Variants in VMAC observed in about 807,000 individuals in gnomAD.
The protein encoded by VMAC is vimentin type intermediate filament associated coiled-coil protein.
VMAC carries 8 observed loss-of-function variants against 4.8 expected under a neutral mutation model. The ratio of observed to expected loss-of-function variants is 1.68; its 90% CI spans 0.99 to 3.03. The LOEUF (loss-of-function observed/expected upper bound fraction) is 3.03. Ranked by LOEUF, VMAC falls within the 30% of genes most tolerant of loss-of-function variation. VMAC has a pLI of 0.00. For missense variants in VMAC, 248 were observed against 245.1 expected (o/e 1.01, Z -0.08); for synonymous variants, 96 against 113.7 (o/e 0.84, Z 0.99).
At position 5,904,976 on chromosome 19, in the gene VMAC, G is replaced by C; in HGVS notation, c.86G>C (p.Arg29Pro). The change falls in exon 1 of 2, where the codon CGG becomes CCG. Residue 29 changes from arginine (R) to proline (P), a missense_variant. Physicochemically the swap from Arg to Pro is moderately radical, Grantham distance 103 (BLOSUM62 -2). Transcript: ENST00000339485. ...VHRRAAELEA[R>P]LDAAERTVHA... Reference sequence around the variant, plus strand: ...CGGCGCGCAGCGGAGCTGGAGGCGCGGCTGGACGCGGCGGAGCGCACGGTG... The same window carrying C: ...CGGCGCGCAGCGGAGCTGGAGGCGCCGCTGGACGCGGCGGAGCGCACGGTG... 1 of 1,467,670 alleles carries C rather than the reference G, an allele frequency of 6.8e-7. No homozygotes were observed. Among genetic ancestry groups the C allele is most frequent in the South Asian group, 1.3e-5 (1 of 76,090 alleles). The allele number at this position is 1,467,670 out of a possible 1,614,324, so 90.9% of individuals were successfully genotyped here. A position where few individuals can be genotyped will look rare whatever the true frequency, so the allele number is the denominator to read the frequency against.
chr19:5,908,216 T>A lies in VMAC; in HGVS notation c.192-608T>A, dbSNP rs141767420. On this transcript the variant is annotated intron_variant, in intron 1 of 1. Coordinates refer to ENST00000339485, the MANE Select transcript of VMAC (RefSeq NM_001017921.4). This position sits in a 1 kb window ranked among gnomAD's most constrained non-coding sequence, Gnocchi z 4.5. ...AAAATCAGTCAGGCATGGTGGCGCA[T>A]GCCTGTAAACCCAGCTACTCGGGAG... Among the ~76,000 whole-genome samples, 1 of 152,032 alleles carries A rather than the reference T, an allele frequency of 6.6e-6. No homozygotes were observed. Among genetic ancestry groups the A allele is most frequent in the Non-Finnish European group, 1.5e-5 (1 of 68,020 alleles).
chr19:5,906,134 T>TA (rs1324216345), intron 1 of VMAC, among the ~76,000 whole-genome samples: 4 of 89,200 alleles, frequency 4.5e-5, no homozygotes, highest in Admixed American at 1.6e-4. Flanking sequence ...CCTGGCTGAT[T>TA]TAAAAAAAAA....
rs889048363 is a variant in VMAC at position 5,909,167 on chromosome 19, G to A, written c.*25G>A. ...AGCCCGGAATGCAGATTACAGAATG[G>A]AGACAGAAAGCCACTGCTGTCAGTG... On this transcript the variant is annotated 3_prime_UTR_variant, in exon 2 of 2. Coordinates refer to ENST00000339485, the MANE Select transcript of VMAC (RefSeq NM_001017921.4). 6.6e-7 allele frequency: 1 copy of A among 1,524,918 alleles called. No homozygotes were observed. Among genetic ancestry groups the A allele is most frequent in the East Asian group, 2.4e-5 (1 of 40,920 alleles). The allele number at this position is 1,524,918 out of a possible 1,614,324, so 94.5% of individuals were successfully genotyped here.
At chr19:5,906,384 T>A (rs543519) in intron 1 of VMAC, among the ~76,000 whole-genome samples, 12,118 of 152,292 alleles carry the variant, frequency 0.08, 517 homozygotes, top group African/African-American at 0.098. Context: ...TCAGAGCTAA[T>A]TGGACATATT....
At chr19:5,906,161 G>T (rs1289412172) in intron 1 of VMAC, among the ~76,000 whole-genome samples, 2 of 150,388 alleles carry the variant, frequency 1.3e-5, no homozygotes, top group East Asian at 3.9e-4. Context: ...TTAGAAATGG[G>T]GTCAGACTAT....
chr19:5,904,998 G>A lies in VMAC; in HGVS notation c.108G>A (p.Thr36=), dbSNP rs1395445018. The A allele has an allele frequency of 6.9e-7, 1 of 1,443,114 alleles. No individual in the cohort carries two copies. The highest frequency in any genetic ancestry group is 9.0e-7 in the Non-Finnish European group (1 of 1,108,110). 89.4% of individuals were successfully genotyped at this position (1,443,114 alleles called of 1,614,324 possible). A position where few individuals can be genotyped will look rare whatever the true frequency, so the allele number is the denominator to read the frequency against. Residue 36 remains threonine (T), a synonymous_variant, in exon 1 of 2, where the codon ACG becomes ACA. Transcript: ENST00000339485. ...CGCGGCTGGACGCGGCGGAGCGCAC[G>A]GTGCACGCCCAAGCCGAGCGCCTGG... ...LEARLDAAER[T]VHAQAERLAL...
In VMAC at chr19:5,909,188, C is replaced by A; in HGVS notation, c.*46C>A. On this transcript the variant is annotated 3_prime_UTR_variant, in exon 2 of 2. Transcript: ENST00000339485. ...AATGGAGACAGAAAGCCACTGCTGT[C>A]AGTGTCCTTGGGAGTCACCAGCACC... is the stretch of plus-strand genomic sequence containing the variant. 6.6e-7 allele frequency: 1 copy of A among 1,519,566 alleles called. No homozygotes were observed. Among genetic ancestry groups the A allele is most frequent in the South Asian group, 1.2e-5 (1 of 82,136 alleles). 94.1% of individuals were successfully genotyped at this position (1,519,566 alleles called of 1,614,324 possible). A position where few individuals can be genotyped will look rare whatever the true frequency, so the allele number is the denominator to read the frequency against.
Position 5,909,128 on chromosome 19 carries a change from G to A in VMAC, c.496G>A (p.Gly166Arg). ...GGACCACCTCCAGCCTGCAGTGTTT[G>A]GGACCACAGTGTGAGCCCGGAATGC... ...DRDHLQPAVF[G>R]TTV The change falls in exon 2 of 2, where the codon GGG (glycine) becomes AGG (arginine). Residue 166 changes from glycine to arginine, a missense_variant. Coordinates refer to ENST00000339485, the MANE Select transcript of VMAC (RefSeq NM_001017921.4). 6.5e-7 allele frequency: 1 copy of A among 1,543,190 alleles called. No homozygotes were observed. The highest frequency in any genetic ancestry group is 1.4e-5 in the African/African-American group (1 of 73,302).
intron 1 of VMAC, among the ~76,000 whole-genome samples, chr19:5,906,545 G>A (rs1422675281): frequency 1.2e-4 from 18 of 152,228 alleles, no homozygotes; most frequent in Admixed American, 1.2e-3. Flanking sequence ...TGGAGAGACA[G>A]ACATGTCACT....
intron 1 of VMAC, 71 bp downstream of exon 1, chr19:5,905,152 G>T: frequency 9.1e-6 from 12 of 1,321,906 alleles, no homozygotes; most frequent in Non-Finnish European, 1.1e-5. Context: ...GCTGGAAAGC[G>T]AGGAAGGGCA....
At position 5,908,947 on chromosome 19, in the gene VMAC, G is replaced by A; in HGVS notation, c.315G>A (p.Gln105=). The change falls in exon 2 of 2, where the codon CAG becomes CAA. Residue 105 remains glutamine, a synonymous_variant. Coordinates refer to ENST00000339485, the MANE Select transcript of VMAC (RefSeq NM_001017921.4). The surrounding 1 kb of genome is among the most constrained non-coding windows in gnomAD (Gnocchi z 4.5). ...RQLQPRAELL[Q]DICRRRPPLA... ...TGCAGCCCCGGGCTGAGCTGCTGCA[G>A]GACATCTGCCGCCGCCGGCCACCCC... The A allele has an allele frequency of 6.2e-7, 1 of 1,613,578 alleles. No homozygotes were observed. Among genetic ancestry groups the A allele is most frequent in the Non-Finnish European group, 8.5e-7 (1 of 1,179,886 alleles).
rs1170597110 is a variant in VMAC, at chr19:5,908,240, A to T, written c.192-584A>T. Among the ~76,000 whole-genome samples, 1 of 152,164 alleles carries T rather than the reference A, an allele frequency of 6.6e-6. No homozygotes were observed. Among genetic ancestry groups the T allele is most frequent in the Admixed American group, 6.5e-5 (1 of 15,278 alleles). ...ATGCCTGTAAACCCAGCTACTCGGG[A>T]GGTTGAGGAGGACAGTTTGAACCTG... On this transcript the variant is annotated intron_variant, in intron 1 of 1. Coordinates refer to ENST00000339485, the MANE Select transcript of VMAC (RefSeq NM_001017921.4). The surrounding 1 kb of genome is among the most constrained non-coding windows in gnomAD (Gnocchi z 4.5).
Position 5,909,380 on chromosome 19 carries a change from C to A in VMAC, c.*238C>A. On this transcript the variant is annotated 3_prime_UTR_variant, in exon 2 of 2. Transcript: ENST00000339485. ...TTGAATCAGTCACCCTTGCTAAAAA[C>A]CTGGCAATGCAAACACAAAGATCTG... The A allele has an allele frequency of 2.1e-6, 1 of 486,762 alleles. No homozygotes were observed. The highest frequency in any genetic ancestry group is 3.5e-6 in the Non-Finnish European group (1 of 281,832). The allele number at this position is 486,762 out of a possible 1,614,324, so 30.2% of individuals were successfully genotyped here.
Position 5,909,122 on chromosome 19 carries a change from G to A in VMAC, c.490G>A (p.Val164Met), listed in dbSNP as rs1444665997. The A allele has an allele frequency of 1.2e-5, 18 of 1,547,080 alleles. No homozygotes were observed. Among genetic ancestry groups the A allele is most frequent in the Non-Finnish European group, 1.5e-5 (17 of 1,152,274 alleles). Residue 164 changes from valine to methionine, a missense_variant, in exon 2 of 2, where the codon GTG (valine) becomes ATG (methionine). Transcript: ENST00000339485. ...EADRDHLQPA[V>M]FGTTV ...GGACAGGGACCACCTCCAGCCTGCAGTGTTTGGGACCACAGTGTGAGCCCG... is the reference window on the plus strand; with the variant it reads ...GGACAGGGACCACCTCCAGCCTGCAATGTTTGGGACCACAGTGTGAGCCCG...
In VMAC at chr19:5,910,746, C is replaced by A. The variant is rs957009872; in HGVS notation, c.*1604C>A. Reference sequence around the variant, plus strand: ...CCCAGAGGTGTGAAGGGAACACACTCCGGGTCTGGAGGGCCAGGGCCACTT... The same window carrying A: ...CCCAGAGGTGTGAAGGGAACACACTACGGGTCTGGAGGGCCAGGGCCACTT... On this transcript the variant is annotated 3_prime_UTR_variant, in exon 2 of 2. Coordinates refer to ENST00000339485, the MANE Select transcript of VMAC (RefSeq NM_001017921.4). The A allele has an allele frequency of 6.6e-6, 1 of 151,882 alleles. No individual in the cohort carries two copies. Among genetic ancestry groups the A allele is most frequent in the Non-Finnish European group, 1.5e-5 (1 of 67,976 alleles). 9.4% of individuals were successfully genotyped at this position (151,882 alleles called of 1,614,324 possible).
chr19:5,907,610 TA>T (rs771762988), intron 1 of VMAC, among the ~76,000 whole-genome samples: 1,664 of 18,666 alleles, frequency 0.089, 201 homozygotes, highest in Middle Eastern at 0.18. Context: ...CTGTCTCTAC[TA>T]AAAAAAAAAA....
At position 5,905,055 on chromosome 19, in the gene VMAC, A is replaced by G; in HGVS notation, c.165A>G (p.Leu55=). The change falls in exon 1 of 2, where the codon CTA becomes CTG. Residue 55 remains leucine, a synonymous_variant. Coordinates refer to ENST00000339485, the MANE Select transcript of VMAC (RefSeq NM_001017921.4). ...ACGACCAGCAGCTGCGCGCCGCCCT[A>G]GACGAACTGGGTCGCGCCAAGGACC... is the stretch of plus-strand genomic sequence containing the variant. ...ALHDQQLRAA[L]DELGRAKDRE... 1.5e-6 allele frequency: 2 copies of G among 1,369,186 alleles called. No homozygotes were observed. The highest frequency in any genetic ancestry group is 1.9e-6 in the Non-Finnish European group (2 of 1,069,886). The allele number at this position is 1,369,186 out of a possible 1,614,324, so 84.8% of individuals were successfully genotyped here.
chr19:5,907,647 A>C (rs1461509941), intron 1 of VMAC, among the ~76,000 whole-genome samples: 1 of 145,520 alleles, frequency 6.9e-6, no homozygotes, highest in Non-Finnish European at 1.5e-5. Context: ...TTAGCTGGGC[A>C]TGGTGGCACA....
chr19:5,906,660 G>C lies in VMAC; in HGVS notation c.191+1579G>C, dbSNP rs368057938. 6.6e-5 allele frequency among the ~76,000 whole-genome samples: 10 copies of C among 152,322 alleles called. No individual in the cohort carries two copies. In the East Asian group the frequency reaches 1.7e-3, roughly 26 times the overall value. ...CCAGAGGAAGAGCCTACTAAGAATA[G>C]GTGGGAAAAGATAATGGAAAGGAAC... is the stretch of plus-strand genomic sequence containing the variant. On this transcript the variant is annotated intron_variant, in intron 1 of 1. Transcript: ENST00000339485.
Sources: allele counts gnomAD v4.1 joint callset (sites outside exome capture counted in the v4.1 genomes callset), GRCh38; gene constraint gnomAD v4.1.1; non-coding constraint Gnocchi (gnomAD v3.1); transcripts MANE v1.5; gene names NCBI Gene and HGNC (gene_info 2026-07-23, HGNC 2026-07-21).